The following ZCCHC17 variants were observed in gnomAD, a reference collection of about 807,000 sequenced individuals.
The protein encoded by ZCCHC17 is zinc finger CCHC domain-containing protein 17.
In ZCCHC17, 18 loss-of-function variants were observed where a neutral mutation model predicts 30.6. The ratio of observed to expected loss-of-function variants is 0.59; its 90% CI spans 0.41 to 0.87. ZCCHC17 has a LOEUF of 0.87. Among genes scored for constraint, ZCCHC17 ranks in the 40% least tolerant of loss-of-function variants. ZCCHC17 has a pLI of 0.00. For synonymous variants in ZCCHC17, 88 were observed against 92.4 expected (o/e 0.95, Z 0.27); for missense variants, 263 against 284.2 (o/e 0.93, Z 0.54).
chr1:31,308,420 T>C (rs1452116568), intron 1 of ZCCHC17, among the ~76,000 whole-genome samples: 1 of 152,204 alleles, frequency 6.6e-6, no homozygotes, highest in Admixed American at 6.5e-5. Flanking sequence ...TAATGGATGG[T>C]CATTGTAAAT....
At chr1:31,359,345 G>A (rs966030300) in intron 7 of ZCCHC17, among the ~76,000 whole-genome samples, 4 of 151,638 alleles carry the variant, frequency 2.6e-5, no homozygotes, top group African/African-American at 7.3e-5. Context: ...GTGAAACCCC[G>A]ACTCTAGTTA....
chr1:31,340,315 G>GTTTTTT lies in ZCCHC17; in HGVS notation c.317+1282_317+1287dup, dbSNP rs71028757. Among the ~76,000 whole-genome samples, 481 of 94,960 alleles carry GTTTTTT rather than the reference G, an allele frequency of 5.1e-3. 11 individuals are homozygous for GTTTTTT. Among genetic ancestry groups the GTTTTTT allele is most frequent in the Non-Finnish European group, 8.2e-3 (392 of 47,862 alleles). The allele number at this position is 94,960 out of a possible 152,430, so 62.3% of individuals were successfully genotyped here. On this transcript the variant is annotated intron_variant, in intron 5 of 7. Coordinates refer to ENST00000344147, the MANE Select transcript of ZCCHC17 (RefSeq NM_016505.4). Reference sequence around the variant, plus strand: ...GTCTCTTAAAGGGGGATCTTGGAGGGTTTTTTTTTTTTTTTTTTTTGAGAC... The same window carrying GTTTTTT: ...GTCTCTTAAAGGGGGATCTTGGAGGGTTTTTTTTTTTTTTTTTTTTTTTTTTGAGAC...
At chr1:31,355,040 TGGC>T (rs563449467) in intron 7 of ZCCHC17, among the ~76,000 whole-genome samples, 57 of 152,186 alleles carry the variant, frequency 3.7e-4, no homozygotes, top group Admixed American at 1.0e-3. Context: ...CCAGGCGTGG[TGGC>T]GAGGGCCTGT....
intron 7 of ZCCHC17, among the ~76,000 whole-genome samples, chr1:31,349,216 T>TA (rs965040356): frequency 6.0e-4 from 88 of 147,230 alleles, no homozygotes; most frequent in South Asian, 1.7e-3. Context: ...TTTTTTTTGT[T>TA]AAAAAAAAAA....
At chr1:31,346,006 AG>A (rs1206832696) in intron 5 of ZCCHC17, among the ~76,000 whole-genome samples, 1 of 152,186 alleles carries the variant, frequency 6.6e-6, no homozygotes, top group East Asian at 1.9e-4. Flanking sequence ...ATGTTTTAAA[AG>A]GCTATGAGAA....
At chr1:31,302,131 G>A (rs1033918309) in intron 1 of ZCCHC17, among the ~76,000 whole-genome samples, 1 of 152,150 alleles carries the variant, frequency 6.6e-6, no homozygotes, top group Non-Finnish European at 1.5e-5. Context: ...GGGAGGCAGA[G>A]GTGACAGAAT....
In ZCCHC17 at chr1:31,310,884, T is replaced by C. The variant is rs566109680; in HGVS notation, c.66+720T>C. Among the ~76,000 whole-genome samples the C allele has an allele frequency of 2.6e-5, 4 of 152,334 alleles. No homozygotes were observed. In the South Asian group the frequency reaches 8.3e-4, roughly 32 times the overall value. On this transcript the variant is annotated intron_variant, in intron 2 of 7. Coordinates refer to ENST00000344147, the MANE Select transcript of ZCCHC17 (RefSeq NM_016505.4). ...CTTGATTTCTCTTCTTGATTTGATT[T>C]TGATTTTCCCTCCCACTCCAGTCTA... is the stretch of plus-strand genomic sequence containing the variant.
intron 1 of ZCCHC17, among the ~76,000 whole-genome samples, chr1:31,302,729 G>A (rs1646348582): frequency 1.3e-5 from 2 of 152,138 alleles, no homozygotes; most frequent in Non-Finnish European, 2.9e-5. Context: ...TGAAGGGGAA[G>A]CAAGGCACGT....
chr1:31,306,872 T>A (rs985229065), intron 1 of ZCCHC17, among the ~76,000 whole-genome samples: 20 of 152,022 alleles, frequency 1.3e-4, no homozygotes, highest in Non-Finnish European at 2.9e-5. Flanking sequence ...GGAGTCTTGC[T>A]CTGTCACCAG....
chr1:31,337,122 A>G, intron 3 of ZCCHC17, 53 bp from the exon 4 acceptor site: 2 of 1,529,186 alleles, frequency 1.3e-6, no homozygotes, highest in Non-Finnish European at 1.8e-6. Flanking sequence ...AGTTTAGAGT[A>G]TAAATACCAG....
intron 3 of ZCCHC17, among the ~76,000 whole-genome samples, chr1:31,330,390 G>A (rs1638537505): frequency 6.6e-6 from 1 of 152,154 alleles, no homozygotes. Flanking sequence ...CTTGATGATG[G>A]ACTTGATATG....
intron 4 of ZCCHC17, 103 bp from the exon 5 acceptor site, chr1:31,338,854 A>G: frequency 1.4e-6 from 1 of 710,278 alleles, no homozygotes; most frequent in South Asian, 1.9e-5. Context: ...CTGGTCCATT[A>G]AAGAAGCTCA....
intron 3 of ZCCHC17, among the ~76,000 whole-genome samples, chr1:31,325,453 T>C (rs1638298382): frequency 1.3e-5 from 2 of 152,206 alleles, no homozygotes; most frequent in African/African-American, 4.8e-5. Context: ...CACCACCATG[T>C]TCCCCAGAGT....
chr1:31,334,331 CTCTCTCTGTGTGTGTGTGTGTGTG>C (rs1405188475), intron 3 of ZCCHC17, among the ~76,000 whole-genome samples: 47 of 61,264 alleles, frequency 7.7e-4, no homozygotes, highest in African/African-American at 2.9e-3. Flanking sequence ...CTCTCTCTCT[CTCTCTCTGTGTGTGTGTGTGTGTG>C]TGTGTGTGTG....
At chr1:31,356,028 T>C (rs964119966) in intron 7 of ZCCHC17, among the ~76,000 whole-genome samples, 4 of 152,210 alleles carry the variant, frequency 2.6e-5, no homozygotes, top group Non-Finnish European at 5.9e-5. Flanking sequence ...TAGCAGTCCA[T>C]GCTCCTGAGT....
intron 2 of ZCCHC17, among the ~76,000 whole-genome samples, chr1:31,314,832 A>G (rs1341335500): frequency 6.6e-6 from 1 of 152,022 alleles, no homozygotes; most frequent in Non-Finnish European, 1.5e-5. Flanking sequence ...ACACCTGGCT[A>G]ATTTTTGTAT....
intron 1 of ZCCHC17, among the ~76,000 whole-genome samples, chr1:31,302,425 A>G (rs1646339315): frequency 6.6e-6 from 1 of 152,200 alleles, no homozygotes; most frequent in African/African-American, 2.4e-5. Context: ...CCCCAGGAAC[A>G]CAAAATCAAA....
intron 2 of ZCCHC17, among the ~76,000 whole-genome samples, chr1:31,314,132 T>C (rs1355903232): frequency 6.6e-6 from 1 of 152,220 alleles, no homozygotes; most frequent in Non-Finnish European, 1.5e-5. Context: ...CCCAAAGTGC[T>C]GGGATTACAG....
intron 3 of ZCCHC17, among the ~76,000 whole-genome samples, chr1:31,321,687 G>A (rs954686714): frequency 6.6e-6 from 1 of 152,142 alleles, no homozygotes; most frequent in Admixed American, 6.5e-5. Context: ...GACTGGTCTT[G>A]AACTCCTGTC....
Sources: allele counts gnomAD v4.1 joint callset (sites outside exome capture counted in the v4.1 genomes callset), GRCh38; gene constraint gnomAD v4.1.1; transcripts MANE v1.5; gene names NCBI Gene and HGNC (gene_info 2026-07-23, HGNC 2026-07-21).